CTNNA2: variants seen among roughly 807,000 people sequenced by gnomAD.
CTNNA2 encodes the protein catenin alpha 2, also known as catenin alpha-2.
Under a neutral mutation model 101.0 loss-of-function variants are expected in CTNNA2, and 42 were observed. That is an observed-to-expected ratio of 0.42 (90% CI 0.32 to 0.54). The LOEUF is 0.54. Ranked by LOEUF, CTNNA2 falls within the 20% of genes least tolerant of loss-of-function variation. The probability of loss-of-function intolerance (pLI) is 0.14; values close to 1 mark genes in which losing one functional copy is unlikely to be tolerated. For missense variants in CTNNA2, 871 were observed against 1,223.1 expected (o/e 0.71, Z 4.29); for synonymous variants, 450 against 456.4 (o/e 0.99, Z 0.18).
chr2:79,764,126 C>T (rs940087111), intron 3 of CTNNA2, among the ~76,000 whole-genome samples: 15 of 152,148 alleles, frequency 9.9e-5, no homozygotes, highest in Non-Finnish European at 1.5e-4. Flanking sequence ...ATCACCAGTT[C>T]CTACTCCTCA....
chr2:80,271,169 C>T (rs1203535957), intron 7 of CTNNA2, among the ~76,000 whole-genome samples: 1 of 152,096 alleles, frequency 6.6e-6, no homozygotes, highest in East Asian at 1.9e-4. Flanking sequence ...AAGTTTATAT[C>T]TAATAGCAAT....
rs547515503 is a variant in CTNNA2 at position 79,642,747 on chromosome 2, T to C, written c.-5-8805T>C. Among the ~76,000 whole-genome samples the C allele has an allele frequency of 6.0e-5, 9 of 151,154 alleles. No homozygotes were observed. In the East Asian group the frequency reaches 1.6e-3, roughly 26 times the overall value. On this transcript the variant is annotated intron_variant, in intron 1 of 18. Coordinates refer to ENST00000402739, the MANE Select transcript of CTNNA2 (RefSeq NM_001282597.3). ...CAGGATGCCTTTTACTCTCTAGGGC[T>C]ATGTAGATAATAATACAAAAGATTT... is the stretch of plus-strand genomic sequence containing the variant.
At chr2:79,752,243 A>C (rs2105035654) in intron 3 of CTNNA2, among the ~76,000 whole-genome samples, 1 of 152,158 alleles carries the variant, frequency 6.6e-6, no homozygotes, top group South Asian at 2.1e-4. Context: ...AGTAGAACTA[A>C]ATTAGGGAAA....
chr2:79,205,214 A>G (rs1019341688), intron 2 of CTNNA2, among the ~76,000 whole-genome samples: 3 of 152,184 alleles, frequency 2.0e-5, no homozygotes, highest in African/African-American at 7.2e-5. Flanking sequence ...TGAAGACACC[A>G]TGCTGGAGAG....
intron 12 of CTNNA2, chr2:80,573,423 C>G (rs1694774035): frequency 6.6e-6 from 1 of 152,102 alleles, no homozygotes; most frequent in Admixed American, 6.5e-5. Context: ...AGATGGAACA[C>G]TTTATCTTTG....
At chr2:79,719,368 G>T (rs77230865) in intron 2 of CTNNA2, among the ~76,000 whole-genome samples, 1 of 152,110 alleles carries the variant, frequency 6.6e-6, no homozygotes, top group African/African-American at 2.4e-5. Context: ...GTGCAGTGAT[G>T]AACATATGCA....
intron 4 of CTNNA2, among the ~76,000 whole-genome samples, chr2:79,390,806 C>G (rs767371409): frequency 6.6e-6 from 1 of 152,116 alleles, no homozygotes; most frequent in African/African-American, 2.4e-5. Context: ...TCACCTGTGT[C>G]GTGTCTCAAG....
At chr2:79,957,819 C>A (rs1574407750) in intron 7 of CTNNA2, among the ~76,000 whole-genome samples, 1 of 152,144 alleles carries the variant, frequency 6.6e-6, no homozygotes, top group Non-Finnish European at 1.5e-5. Flanking sequence ...ACTTTTCAAC[C>A]TTATTGTACC....
chr2:79,429,295 C>G lies in CTNNA2; in HGVS notation c.-135+55282C>G, dbSNP rs77405207. 1.2e-3 allele frequency among the ~76,000 whole-genome samples: 175 copies of G among 151,928 alleles called. 4 individuals are homozygous for G. In the East Asian group the frequency reaches 0.027, roughly 23 times the overall value. On this transcript the variant is annotated intron_variant, in intron 4 of 21. Coordinates refer to the CTNNA2 transcript ENST00000466387. ...AGCCTGATTTCCCCAGTTTTTAGGT[C>G]TATGACTATTGCAAACAATTCCTTA...
intron 4 of CTNNA2, among the ~76,000 whole-genome samples, chr2:79,499,598 A>G (rs1236620782): frequency 2.0e-5 from 3 of 152,128 alleles, no homozygotes; most frequent in Admixed American, 2.0e-4. Flanking sequence ...TACGCCACCT[A>G]TGTAATAGGA....
chr2:80,125,791 C>T (rs1214508250), intron 7 of CTNNA2, among the ~76,000 whole-genome samples: 1 of 152,132 alleles, frequency 6.6e-6, no homozygotes, highest in African/African-American at 2.4e-5. Context: ...GTGGCACCAT[C>T]CCTAATCTCT....
chr2:79,695,064 T>A (rs1684571235), intron 2 of CTNNA2, among the ~76,000 whole-genome samples: 1 of 149,744 alleles, frequency 6.7e-6, no homozygotes, highest in South Asian at 2.1e-4. Flanking sequence ...AGAAATCTTC[T>A]CTTTCACATT....
intron 7 of CTNNA2, among the ~76,000 whole-genome samples, chr2:79,945,034 TTTTTG>T (rs749634661): frequency 2.0e-5 from 3 of 152,126 alleles, no homozygotes; most frequent in Non-Finnish European, 2.9e-5. Context: ...TGGTTGTTGT[TTTTTG>T]TTTTGTTTTG....
At chr2:80,458,219 T>C (rs184562988) in intron 9 of CTNNA2, among the ~76,000 whole-genome samples, 3 of 152,344 alleles carry the variant, frequency 2.0e-5, no homozygotes, top group Admixed American at 2.0e-4. Context: ...AGTTGATAAG[T>C]TACCTCTGTT....
Position 79,492,188 on chromosome 2 carries a change from A to G in CTNNA2, c.-134-12866A>G, listed in dbSNP as rs952538461. ...CTATTTATATTTTTAGTAAATCTAC[A>G]TATTTTTAATGTGGCCTATTAGAAT... On this transcript the variant is annotated intron_variant, in intron 4 of 21. Coordinates refer to the CTNNA2 transcript ENST00000466387. Among the ~76,000 whole-genome samples, 5 of 152,142 alleles carry G rather than the reference A, an allele frequency of 3.3e-5. No homozygotes were observed. The East Asian group carries it at 5.8e-4, about 18-fold the overall frequency.
chr2:79,474,218 C>T (rs536793369), intron 4 of CTNNA2, among the ~76,000 whole-genome samples: 36 of 152,098 alleles, frequency 2.4e-4, no homozygotes, highest in Non-Finnish European at 4.0e-4. Flanking sequence ...CAGCTTTATA[C>T]GTAATCAGGG....
intron 7 of CTNNA2, among the ~76,000 whole-genome samples, chr2:79,911,688 C>T (rs1391422899): frequency 3.3e-5 from 5 of 152,196 alleles, no homozygotes; most frequent in African/African-American, 1.2e-4. Flanking sequence ...ACAGACAATA[C>T]ATCAATGGGT....
At chr2:79,729,707 G>A (rs1401690452) in intron 2 of CTNNA2, among the ~76,000 whole-genome samples, 2 of 152,022 alleles carry the variant, frequency 1.3e-5, no homozygotes, top group Admixed American at 6.6e-5. Flanking sequence ...CGAGAAGCTT[G>A]AGGCCTCTAA....
intron 1 of CTNNA2, among the ~76,000 whole-genome samples, chr2:79,641,151 G>C (rs936093888): frequency 2.1e-4 from 32 of 152,194 alleles, no homozygotes; most frequent in African/African-American, 7.0e-4. Context: ...GTTACAAAGA[G>C]AAGTTGGGGC....
Sources: gnomAD v4.1 joint callset for allele counts (sites outside exome capture counted in the v4.1 genomes callset) on GRCh38, gnomAD v4.1.1 for gene constraint, MANE v1.5 for transcripts, NCBI Gene and HGNC (gene_info 2026-07-23, HGNC 2026-07-21) for gene names.